ACSL4: variants seen among roughly 807,000 people sequenced by gnomAD.
The protein encoded by ACSL4 is long-chain-fatty-acid--CoA ligase 4.
In ACSL4, 9 loss-of-function variants were observed where a neutral mutation model predicts 49.1. The observed-to-expected ratio is 0.18, with a 90% CI of 0.11 to 0.32. The LOEUF is 0.32. ACSL4 is among the 10% of genes least tolerant of loss of function. ACSL4 has a pLI of 1.00. For missense variants in ACSL4, 333 were observed against 493.7 expected, an observed-to-expected ratio of 0.67 and a Z score of 3.08; for synonymous variants, 191 against 170.3, an observed-to-expected ratio of 1.12 and a Z score of -0.95.
chrX:109,717,241 T>C (rs1482821175), intron 1 of ACSL4, among the ~76,000 whole-genome samples: 1 of 110,972 alleles, frequency 9.0e-6, no homozygotes, highest in Non-Finnish European at 1.9e-5. Context: ...ACACCTGTAA[T>C]CTCAGCACTT....
intron 15 of ACSL4, among the ~76,000 whole-genome samples, chrX:109,645,634 T>C (rs1300257267): frequency 8.9e-6 from 1 of 112,326 alleles, no homozygotes. Context: ...TCCAAAGGAA[T>C]GCAGTTCCTC....
chrX:109,718,490 T>C (rs1317190780), intron 1 of ACSL4, among the ~76,000 whole-genome samples: 2 of 112,507 alleles, frequency 1.8e-5, no homozygotes, highest in African/African-American at 6.5e-5. Flanking sequence ...CGCAGTGGCT[T>C]ACTCATGTAA....
At chrX:109,671,237 G>A (rs947635701) in intron 9 of ACSL4, among the ~76,000 whole-genome samples, 5 of 109,643 alleles carry the variant, frequency 4.6e-5, no homozygotes, top group East Asian at 2.9e-4. Context: ...CTGCCCTGCC[G>A]CCCCATCTGA....
intron 13 of ACSL4, among the ~76,000 whole-genome samples, chrX:109,662,107 C>G (rs1241086972): frequency 9.0e-6 from 1 of 111,168 alleles, no homozygotes; most frequent in African/African-American, 3.3e-5. Context: ...CCCACAATGT[C>G]TGGCATATAG....
At position 109,669,031 on chromosome X, in the gene ACSL4, T is replaced by C; in HGVS notation, c.1142+3A>G. 2 of 1,204,683 alleles carry C rather than the reference T, an allele frequency of 1.7e-6. No homozygotes were observed. The highest frequency in any genetic ancestry group is 2.2e-6 in the Non-Finnish European group (2 of 890,484). On this transcript the variant is annotated splice_donor_region_variant and intron_variant, in intron 10 of 15. Coordinates refer to ENST00000672401, the MANE Select transcript of ACSL4 (RefSeq NM_001318510.2). The stretch of plus-strand genomic sequence containing the variant: ...AACCACAGAGCCTATGAAATGTACT[T>C]ACAGATTGCAAAGAGGTGCATCATA...
intron 5 of ACSL4, 63 bp from the exon 6 acceptor site, chrX:109,681,199 CTGAA>C: frequency 8.3e-7 from 1 of 1,200,813 alleles, no homozygotes; most frequent in Non-Finnish European, 1.1e-6. Context: ...AATTCACTTA[CTGAA>C]TGAATATTTT....
intron 9 of ACSL4, among the ~76,000 whole-genome samples, chrX:109,673,990 T>G (rs1206128973): frequency 9.0e-6 from 1 of 111,590 alleles, no homozygotes. Context: ...CATAAGAGAG[T>G]TGGGAGGGCT....
At chrX:109,669,230 G>A in intron 9 of ACSL4, 57 bp from the exon 10 acceptor site, 1 of 940,541 alleles carries the variant, frequency 1.1e-6, no homozygotes, top group Non-Finnish European at 1.5e-6. Flanking sequence ...GTCTTTAGTT[G>A]AAGATACCTT....
At chrX:109,671,938 C>T (rs1923285477) in intron 9 of ACSL4, among the ~76,000 whole-genome samples, 1 of 109,792 alleles carries the variant, frequency 9.1e-6, no homozygotes, top group South Asian at 3.9e-4. Context: ...ACAAACACTG[C>T]GGAAGGCGGC....
In ACSL4 at chrX:109,722,559, T is replaced by C. The variant is rs1927639931; in HGVS notation, c.-66+10580A>G. ...AGCTTCCTAATGATATTTTAATATA[T>C]TGCACTTTTACATCATCATTGATAA... On this transcript the variant is annotated intron_variant, in intron 1 of 15. Transcript: ENST00000672401. Among the ~76,000 whole-genome samples the C allele has an allele frequency of 2.7e-5, 3 of 112,025 alleles. No individual in the cohort carries two copies. The South Asian group carries it at 1.1e-3, about 41-fold the overall frequency.
intron 1 of ACSL4, among the ~76,000 whole-genome samples, chrX:109,726,720 C>T (rs1326591891): frequency 2.7e-5 from 3 of 111,094 alleles, no homozygotes; most frequent in Non-Finnish European, 5.7e-5. Context: ...GCTCTATCAC[C>T]CAGGCCAGAG....
chrX:109,666,641 G>A (rs987735663), intron 11 of ACSL4, among the ~76,000 whole-genome samples: 10 of 111,670 alleles, frequency 9.0e-5, no homozygotes, highest in African/African-American at 2.3e-4. Flanking sequence ...CAGGGCAGGC[G>A]CAGTGGCTCC....
At chrX:109,693,139 A>T (rs1258655179) in intron 2 of ACSL4, among the ~76,000 whole-genome samples, 1 of 111,754 alleles carries the variant, frequency 8.9e-6, no homozygotes, top group Non-Finnish European at 1.9e-5. Flanking sequence ...TGTTCTTTTC[A>T]ATATGTCAGA....
intron 4 of ACSL4, among the ~76,000 whole-genome samples, chrX:109,681,661 A>G (rs1404484659): frequency 1.8e-5 from 2 of 112,097 alleles, no homozygotes; most frequent in Non-Finnish European, 3.8e-5. Flanking sequence ...TAGATGCTCA[A>G]GGCCAATAGG....
rs1225336996 is a variant in ACSL4 at position 109,733,188 on chromosome X, G to T, written c.-115C>A. The T allele has an allele frequency of 3.1e-6, 1 of 327,510 alleles. No individual in the cohort carries two copies. The highest frequency in any genetic ancestry group is 2.6e-5 in the African/African-American group (1 of 37,847). The allele number at this position is 327,510 out of a possible 1,213,427, so 27.0% of individuals were successfully genotyped here. Reference sequence around the variant, plus strand: ...CGCAGCCGGCCGGCGCCTGGCACTCGGAAAGCTCGCAAAAAGGAACCGCGT... The same window carrying T: ...CGCAGCCGGCCGGCGCCTGGCACTCTGAAAGCTCGCAAAAAGGAACCGCGT... On this transcript the variant is annotated 5_prime_UTR_variant, in exon 1 of 16. Transcript: ENST00000672401.
At chrX:109,708,990 T>G (rs1926561349) in intron 1 of ACSL4, among the ~76,000 whole-genome samples, 1 of 111,707 alleles carries the variant, frequency 9.0e-6, no homozygotes, top group Non-Finnish European at 1.9e-5. Flanking sequence ...AAGTATAAAT[T>G]TCTTTAAAGC....
intron 14 of ACSL4, among the ~76,000 whole-genome samples, chrX:109,659,958 C>T (rs894381769): frequency 1.8e-5 from 2 of 108,421 alleles, no homozygotes; most frequent in Non-Finnish European, 3.8e-5. Context: ...ATTACTTTTG[C>T]ACCAATCTGA....
intron 2 of ACSL4, among the ~76,000 whole-genome samples, chrX:109,684,019 G>A (rs372603316): frequency 3.5e-4 from 39 of 110,850 alleles, no homozygotes; most frequent in African/African-American, 1.1e-3. Context: ...CAAAACTTTG[G>A]TAGAATAGGG....
At chrX:109,663,036 G>A (rs1922305229) in intron 13 of ACSL4, among the ~76,000 whole-genome samples, 175 bp downstream of exon 13, 1 of 111,811 alleles carries the variant, frequency 8.9e-6, no homozygotes, top group Non-Finnish European at 1.9e-5. Flanking sequence ...ACAGCCCTAT[G>A]AGGTTGGTAT....
Sources: gnomAD v4.1 joint callset for allele counts (sites outside exome capture counted in the v4.1 genomes callset) on GRCh38, gnomAD v4.1.1 for gene constraint, MANE v1.5 for transcripts, NCBI Gene and HGNC (gene_info 2026-07-23, HGNC 2026-07-21) for gene names.